Variants in HNRNPUL1 observed in about 807,000 individuals in gnomAD.
The protein encoded by HNRNPUL1 is heterogeneous nuclear ribonucleoprotein U like 1.
Under a neutral mutation model 108.5 loss-of-function variants are expected in HNRNPUL1, and 14 were observed. That is an observed-to-expected ratio of 0.13 (90% CI 0.09 to 0.20). HNRNPUL1 has a LOEUF of 0.20. HNRNPUL1 is among the 10% of genes least tolerant of loss of function. HNRNPUL1 has a pLI of 1.00. For missense variants in HNRNPUL1, 804 were observed against 1,168.3 expected (o/e 0.69, Z 4.55); for synonymous variants, 422 against 445.2 (o/e 0.95, Z 0.66).
chr19:41,301,740 C>T (rs2037223799), intron 11 of HNRNPUL1, 36 bp downstream of exon 11: 1 of 1,577,124 alleles, frequency 6.3e-7, no homozygotes, highest in South Asian at 1.1e-5. Flanking sequence ...AACGTCAATG[C>T]AGGGTCCTGG....
At chr19:41,293,748 G>A (rs964916510) in intron 8 of HNRNPUL1, among the ~76,000 whole-genome samples, 7 of 152,176 alleles carry the variant, frequency 4.6e-5, no homozygotes, top group Non-Finnish European at 1.0e-4. Flanking sequence ...TATAATTCCA[G>A]CACTTTGGGA....
In HNRNPUL1 at chr19:41,302,787, C is replaced by T. The variant is rs760852797; in HGVS notation, c.1810C>T (p.Pro604Ser). ...CGAGGAAGGCCGCAAGGCTGGGCCA[C>T]CCCCTGAAAAGCGCTTTGACAACCG... ...YNEEGRKAGPPPEKRFDNRGG... is the reference protein window; with the variant it reads ...YNEEGRKAGPSPEKRFDNRGG... The change falls in exon 12 of 15, where the codon CCC (proline) becomes TCC (serine). Residue 604 changes from proline (P) to serine (S), a missense_variant. Physicochemically the swap from Pro to Ser is moderately conservative, Grantham distance 74. Coordinates refer to ENST00000392006, the MANE Select transcript of HNRNPUL1 (RefSeq NM_007040.6). 6.2e-7 allele frequency: 1 copy of T among 1,612,032 alleles called. No individual in the cohort carries two copies. Among genetic ancestry groups the T allele is most frequent in the Non-Finnish European group, 8.5e-7 (1 of 1,178,412 alleles).
At chr19:41,295,596 T>A (rs2036847046) in intron 10 of HNRNPUL1, among the ~76,000 whole-genome samples, 1 of 152,250 alleles carries the variant, frequency 6.6e-6, no homozygotes, top group African/African-American at 2.4e-5. Flanking sequence ...AATGAGCCTC[T>A]GTTCCCTTCA....
chr19:41,264,880 G>A (rs1484571832), intron 1 of HNRNPUL1, 82 bp downstream of exon 1: 9 of 1,342,736 alleles, frequency 6.7e-6, no homozygotes, highest in Non-Finnish European at 8.6e-6. Flanking sequence ...TCCAGCGCCT[G>A]AGGTCGGGGA....
chr19:41,278,102 C>G (rs1568437070), intron 5 of HNRNPUL1, among the ~76,000 whole-genome samples: 2 of 151,998 alleles, frequency 1.3e-5, no homozygotes, highest in Non-Finnish European at 2.9e-5. Context: ...ACTTGTTACC[C>G]AAGCTAGAAT....
intron 7 of HNRNPUL1, chr19:41,291,979 CA>C (rs534769812): frequency 0.14 from 32,507 of 232,450 alleles, 514 homozygotes; most frequent in African/African-American, 0.24. Context: ...GACCCTGTCT[CA>C]AAAAAAAAAA....
chr19:41,302,617 T>TA (rs550089198), intron 11 of HNRNPUL1, 48 bp from the exon 12 acceptor site: 440 of 1,611,328 alleles, frequency 2.7e-4, no homozygotes, highest in South Asian at 7.8e-4. Context: ...CTTCAGAAGG[T>TA]ACTGACCTCT....
chr19:41,279,030 C>G (rs771875842), intron 5 of HNRNPUL1, 47 bp from the exon 6 acceptor site: 2 of 1,329,670 alleles, frequency 1.5e-6, no homozygotes, highest in East Asian at 2.3e-5. Context: ...TCATAACCTA[C>G]GGCCTCCAGA....
At chr19:41,295,568 T>C (rs1568453689) in intron 10 of HNRNPUL1, among the ~76,000 whole-genome samples, 1 of 152,228 alleles carries the variant, frequency 6.6e-6, no homozygotes. Flanking sequence ...CCTTATTTTC[T>C]ATGTTTGGGG....
intron 5 of HNRNPUL1, chr19:41,276,512 C>A: frequency 2.1e-6 from 1 of 468,340 alleles, no homozygotes. Flanking sequence ...CTTCATCAAG[C>A]AGATATTTCC....
rs1223625094 is a variant in HNRNPUL1 at position 41,279,062 on chromosome 19, G to A, written c.787-15G>A. On this transcript the variant is annotated splice_polypyrimidine_tract_variant and intron_variant, in intron 5 of 14. Coordinates refer to ENST00000392006, the MANE Select transcript of HNRNPUL1 (RefSeq NM_007040.6). Reference sequence around the variant, plus strand: ...CAGAGAAGCAACCCTGAGCCCTTTTGTCCTCTTTCCTCAGATCAATGAGGA... The same window carrying A: ...CAGAGAAGCAACCCTGAGCCCTTTTATCCTCTTTCCTCAGATCAATGAGGA... The A allele has an allele frequency of 6.2e-7, 1 of 1,604,264 alleles. No homozygotes were observed. Among genetic ancestry groups the A allele is most frequent in the East Asian group, 2.2e-5 (1 of 44,832 alleles).
rs777803522 is a variant in HNRNPUL1 at position 41,292,981 on chromosome 19, A to T, written c.1266+470A>T. The stretch of plus-strand genomic sequence containing the variant: ...CACCTCAGCTTCTCGAGTAGCTGGG[A>T]CCACAGGTACATGCCACCATGCCAG... On this transcript the variant is annotated intron_variant, in intron 8 of 14. Coordinates refer to ENST00000392006, the MANE Select transcript of HNRNPUL1 (RefSeq NM_007040.6). This position sits in a 1 kb window ranked among gnomAD's most constrained non-coding sequence, Gnocchi z 4.1. Among the ~76,000 whole-genome samples, 5 of 152,006 alleles carry T rather than the reference A, an allele frequency of 3.3e-5. No individual in the cohort carries two copies. Among genetic ancestry groups the T allele is most frequent in the Non-Finnish European group, 7.4e-5 (5 of 67,986 alleles).
intron 7 of HNRNPUL1, among the ~76,000 whole-genome samples, chr19:41,288,108 G>A (rs2036351281): frequency 6.6e-6 from 1 of 150,798 alleles, no homozygotes; most frequent in Admixed American, 6.6e-5. Flanking sequence ...GGGATACAGT[G>A]TAAAGTCTTC....
In HNRNPUL1 at chr19:41,283,068, A is replaced by G. The variant is rs191939524; in HGVS notation, c.999+1793A>G. On this transcript the variant is annotated intron_variant, in intron 7 of 14. Transcript: ENST00000392006. ...TTGAAACAACAGACATAGCCTAGAA[A>G]TATCGGTAAGATTAAGAAAAAGTTA... Among the ~76,000 whole-genome samples the G allele has an allele frequency of 8.1e-4, 124 of 152,308 alleles. 2 individuals are homozygous for G. The East Asian group carries it at 0.021, about 26-fold the overall frequency.
chr19:41,264,550 A>G lies in HNRNPUL1; in HGVS notation c.47A>G (p.Gln16Arg). 6.6e-7 allele frequency: 1 copy of G among 1,510,566 alleles called. No homozygotes were observed. Among genetic ancestry groups the G allele is most frequent in the South Asian group, 1.2e-5 (1 of 82,266 alleles). 93.6% of individuals were successfully genotyped at this position (1,510,566 alleles called of 1,614,324 possible). ...GTGAACGAACTTCGCGAGGAGCTGC[A>G]GCGCCGCGGCCTGGACACTCGAGGC... The part of the protein sequence containing the change: ...LKVNELREEL[Q>R]RRGLDTRGLK... Residue 16 changes from glutamine to arginine, a missense_variant, in exon 1 of 15, where the codon CAG becomes CGG. By Grantham distance (43) the Gln-to-Arg change is conservative. Around this residue, in one of 4 missense-constraint regions of HNRNPUL1, gnomAD observed 256 missense variants for 261.6 expected, o/e 0.98. Coordinates refer to ENST00000392006, the MANE Select transcript of HNRNPUL1 (RefSeq NM_007040.6).
At chr19:41,290,860 C>G (rs1194302273) in intron 7 of HNRNPUL1, among the ~76,000 whole-genome samples, 1 of 152,056 alleles carries the variant, frequency 6.6e-6, no homozygotes, top group Admixed American at 6.6e-5. Flanking sequence ...AGTTCGAGAC[C>G]AGCCTGACCA....
intron 7 of HNRNPUL1, among the ~76,000 whole-genome samples, chr19:41,286,941 C>A (rs1226345801): frequency 6.6e-6 from 1 of 151,792 alleles, no homozygotes; most frequent in Non-Finnish European, 1.5e-5. Flanking sequence ...TGGTCTCGAA[C>A]TCCTGACCTC....
At position 41,276,145 on chromosome 19, in the gene HNRNPUL1, A is replaced by G; in HGVS notation, c.647-14A>G. 1 of 1,613,910 alleles carries G rather than the reference A, an allele frequency of 6.2e-7. No homozygotes were observed. Among genetic ancestry groups the G allele is most frequent in the Non-Finnish European group, 8.5e-7 (1 of 1,179,964 alleles). On this transcript the variant is annotated splice_polypyrimidine_tract_variant and intron_variant, in intron 4 of 14. Coordinates refer to ENST00000392006, the MANE Select transcript of HNRNPUL1 (RefSeq NM_007040.6). Reference sequence around the variant, plus strand: ...ATAAAAACATCAGCCAACTGTGGGCATTTTCCTTCACAGATAACTGCGACC... The same window carrying G: ...ATAAAAACATCAGCCAACTGTGGGCGTTTTCCTTCACAGATAACTGCGACC...
intron 7 of HNRNPUL1, among the ~76,000 whole-genome samples, chr19:41,286,955 T>G (rs1031731147): frequency 6.6e-6 from 1 of 151,704 alleles, no homozygotes; most frequent in Non-Finnish European, 1.5e-5. Context: ...TGACCTCAGA[T>G]GATCCGCCCG....
Sources: allele counts gnomAD v4.1 joint callset (sites outside exome capture counted in the v4.1 genomes callset), GRCh38; gene constraint gnomAD v4.1.1; regional missense constraint gnomAD v4.1.1; non-coding constraint Gnocchi (gnomAD v3.1); transcripts MANE v1.5; gene names NCBI Gene and HGNC (gene_info 2026-07-23, HGNC 2026-07-21).